Variants in CHERP observed in about 807,000 individuals in gnomAD.
The protein encoded by CHERP is ERPROT 213-21.
In CHERP, 8 loss-of-function variants were observed where a neutral mutation model predicts 113.8. The observed-to-expected ratio is 0.07, with a 90% confidence interval of 0.04 to 0.13. The LOEUF (loss-of-function observed/expected upper bound fraction) is 0.13, where lower values mean the gene tolerates loss of function less well. Among genes scored for constraint, CHERP ranks in the 10% least tolerant of loss-of-function variants. CHERP has a pLI of 1.00. For missense variants in CHERP, 884 were observed against 1,298.2 expected (o/e 0.68, Z 4.90); for synonymous variants, 559 against 524.5 (o/e 1.07, Z -0.90).
chr19:16,537,318 C>G (rs1167800910), intron 2 of CHERP, among the ~76,000 whole-genome samples: 1 of 152,038 alleles, frequency 6.6e-6, no homozygotes, highest in Non-Finnish European at 1.5e-5. Flanking sequence ...TCCCGTTGGA[C>G]CCTCACATGC....
chr19:16,537,746 A>G (rs2085751228), intron 2 of CHERP, among the ~76,000 whole-genome samples: 1 of 152,032 alleles, frequency 6.6e-6, no homozygotes, highest in Non-Finnish European at 1.5e-5. Flanking sequence ...TTCCTGCATC[A>G]GGTCCCATCC....
chr19:16,528,307 T>C, intron 8 of CHERP, 52 bp from the exon 9 acceptor site: 4 of 1,501,818 alleles, frequency 2.7e-6, no homozygotes, highest in Non-Finnish European at 3.6e-6. Context: ...GGAGGCGCTG[T>C]CTCCTCTCCA....
rs200777660 is a variant in CHERP, at chr19:16,542,373, C to A, written c.6G>T (p.Glu2Asp). 397 of 1,374,740 alleles carry A rather than the reference C, an allele frequency of 2.9e-4. No homozygotes were observed. The highest frequency in any genetic ancestry group is 6.1e-5 in the Non-Finnish European group (64 of 1,056,638). 85.2% of individuals were successfully genotyped at this position (1,374,740 alleles called of 1,614,324 possible). Residue 2 changes from glutamate to aspartate, a missense_variant, in exon 1 of 17, where the codon GAG becomes GAT. By Grantham distance (45) the Glu-to-Asp change is conservative. Transcript: ENST00000546361. ...TCTCACCATCGGGGGGCAGCGGCATCTCCATGGCTCCGGCCGCGGGGAACG... is the reference window on the plus strand; with the variant it reads ...TCTCACCATCGGGGGGCAGCGGCATATCCATGGCTCCGGCCGCGGGGAACG... Reference protein sequence around the residue: MEMPLPPDDQEL... With the variant: MDMPLPPDDQEL...
In CHERP at chr19:16,535,105, C is replaced by G. The variant is rs1263813034; in HGVS notation, c.384+347G>C. Among the ~76,000 whole-genome samples the G allele has an allele frequency of 6.6e-6, 1 of 152,126 alleles. No homozygotes were observed. The highest frequency in any genetic ancestry group is 1.5e-5 in the Non-Finnish European group (1 of 68,010). On this transcript the variant is annotated intron_variant, in intron 3 of 16. Transcript: ENST00000546361. The surrounding 1 kb of genome is among the most constrained non-coding windows in gnomAD (Gnocchi z 4.3). The stretch of plus-strand genomic sequence containing the variant: ...AAGGGTCCTTCCCCAACCAACAGCT[C>G]CAGGTGACCTAGCTACTGTGTGGTG...
Position 16,525,440 on chromosome 19 carries a change from G to C in CHERP, c.1543C>G (p.Arg515Gly). 1 of 1,540,156 alleles carries C rather than the reference G, an allele frequency of 6.5e-7. No individual in the cohort carries two copies. The highest frequency in any genetic ancestry group is 8.8e-7 in the Non-Finnish European group (1 of 1,142,518). ...WGGGQREPPF[R>G]MQRPPHFRGP... ...CGGAAGTGTGGGGGCCGCTGCATGCGGAAGGGTGGCTCGCGCTGGCCCCCG... is the reference window on the plus strand; with the variant it reads ...CGGAAGTGTGGGGGCCGCTGCATGCCGAAGGGTGGCTCGCGCTGGCCCCCG... The change falls in exon 10 of 17, where the codon CGC (arginine) becomes GGC (glycine). Residue 515 changes from arginine to glycine, a missense_variant. This residue lies in a region of CHERP where 464 missense variants were observed against 590.1 expected (regional missense o/e 0.79). Transcript: ENST00000546361. This position sits in a 1 kb window ranked among gnomAD's most constrained non-coding sequence, Gnocchi z 6.5.
chr19:16,525,244 G>A lies in CHERP; in HGVS notation c.1739C>T (p.Ala580Val). The change falls in exon 10 of 17, where the codon GCC becomes GTC. Residue 580 changes from alanine (A) to valine (V), a missense_variant and splice_region_variant. Coordinates refer to ENST00000546361, the MANE Select transcript of CHERP (RefSeq NM_006387.6). The surrounding 1 kb of genome is among the most constrained non-coding windows in gnomAD (Gnocchi z 6.5). ...TACCCAGGCGCCCGTACACTCACCGGCAGGGAAGTCCCCCTGGGGGTAGTC... is the reference window on the plus strand; with the variant it reads ...TACCCAGGCGCCCGTACACTCACCGACAGGGAAGTCCCCCTGGGGGTAGTC... The part of the protein sequence containing the change: ...RFDYPQGDFP[A>V]EMGPPHHHPG... 1 of 1,428,004 alleles carries A rather than the reference G, an allele frequency of 7.0e-7. No individual in the cohort carries two copies. The highest frequency in any genetic ancestry group is 9.2e-7 in the Non-Finnish European group (1 of 1,089,140). The allele number at this position is 1,428,004 out of a possible 1,614,324, so 88.5% of individuals were successfully genotyped here. A position where few individuals can be genotyped will look rare whatever the true frequency, so the allele number is the denominator to read the frequency against.
Position 16,520,421 on chromosome 19 carries a change from G to A in CHERP, c.2288C>T (p.Ser763Leu), listed in dbSNP as rs918432112. 6.2e-6 allele frequency: 10 copies of A among 1,614,002 alleles called. No homozygotes were observed. Among genetic ancestry groups the A allele is most frequent in the South Asian group, 2.2e-5 (2 of 91,090 alleles). Residue 763 changes from serine (S) to leucine (L), a missense_variant, in exon 14 of 17, where the codon TCG becomes TTG. Transcript: ENST00000546361. The surrounding 1 kb of genome is among the most constrained non-coding windows in gnomAD (Gnocchi z 4.0). ...SNSRSSKSSG[S>L]YSRSRSRSCS... Reference sequence around the variant, plus strand: ...GGAGCGCGACCTTGACCTTGAGTACGAGCCTGAAGACTTGGAGGATCTTGA... The same window carrying A: ...GGAGCGCGACCTTGACCTTGAGTACAAGCCTGAAGACTTGGAGGATCTTGA...
Position 16,532,489 on chromosome 19 carries a change from G to T in CHERP, c.674+109C>A. The T allele has an allele frequency of 7.4e-7, 1 of 1,349,566 alleles. No homozygotes were observed. Among genetic ancestry groups the T allele is most frequent in the Non-Finnish European group, 9.8e-7 (1 of 1,018,570 alleles). The allele number at this position is 1,349,566 out of a possible 1,614,324, so 83.6% of individuals were successfully genotyped here. On this transcript the variant is annotated intron_variant, in intron 5 of 16. Transcript: ENST00000546361. This position sits in a 1 kb window ranked among gnomAD's most constrained non-coding sequence, Gnocchi z 4.4. ...GGGGTCCCCGGACAAGTGCCCCCTA[G>T]TCTCGGGACAGGCCAAGCCAAGCTA...
intron 9 of CHERP, among the ~76,000 whole-genome samples, chr19:16,527,100 T>C (rs915824583): frequency 6.6e-6 from 1 of 152,238 alleles, no homozygotes; most frequent in Non-Finnish European, 1.5e-5. Context: ...CAGGATGCAC[T>C]GCTGGCCTAG....
chr19:16,519,860 T>C lies in CHERP; in HGVS notation c.2463-145A>G, dbSNP rs2085591947. The C allele has an allele frequency of 1.3e-6, 1 of 767,392 alleles. No individual in the cohort carries two copies. The highest frequency in any genetic ancestry group is 1.7e-5 in the African/African-American group (1 of 58,800). 47.5% of individuals were successfully genotyped at this position (767,392 alleles called of 1,614,324 possible). A position where few individuals can be genotyped will look rare whatever the true frequency, so the allele number is the denominator to read the frequency against. ...ATGCAGATTTTGCGTCTCTACCCGTTTATCCTGTCTCAGCTAGATAAGGGG... is the reference window on the plus strand; with the variant it reads ...ATGCAGATTTTGCGTCTCTACCCGTCTATCCTGTCTCAGCTAGATAAGGGG... On this transcript the variant is annotated intron_variant, in intron 15 of 16. Coordinates refer to ENST00000546361, the MANE Select transcript of CHERP (RefSeq NM_006387.6). This position sits in a 1 kb window ranked among gnomAD's most constrained non-coding sequence, Gnocchi z 6.0.
rs1240979515 is a variant in CHERP at position 16,530,575 on chromosome 19, G to A, written c.876+10C>T. The stretch of plus-strand genomic sequence containing the variant: ...TCTAGGGTGAGGTGTGGGTGGGCAG[G>A]GACACTCACCTGGTACTGACCAAGC... On this transcript the variant is annotated intron_variant, in intron 7 of 16. Transcript: ENST00000546361. This position sits in a 1 kb window ranked among gnomAD's most constrained non-coding sequence, Gnocchi z 4.1. 1.2e-6 allele frequency: 2 copies of A among 1,613,098 alleles called. No individual in the cohort carries two copies. Among genetic ancestry groups the A allele is most frequent in the Non-Finnish European group, 1.7e-6 (2 of 1,179,184 alleles).
At chr19:16,533,773 A>AAACAAC (rs36119133) in intron 3 of CHERP, among the ~76,000 whole-genome samples, 14 of 151,018 alleles carry the variant, frequency 9.3e-5, no homozygotes, top group African/African-American at 2.2e-4. Context: ...AACAACAACA[A>AAACAAC]AACAACAACA....
At chr19:16,541,579 C>T (rs1191611279) in intron 2 of CHERP, 5 of 342,664 alleles carry the variant, frequency 1.5e-5, no homozygotes, top group Non-Finnish European at 2.7e-5. Flanking sequence ...AACACTAAAA[C>T]AATCACGCTA....
chr19:16,525,549 C>G lies in CHERP; in HGVS notation c.1434G>C (p.Ala478=), dbSNP rs1443318171. The G allele has an allele frequency of 3.9e-6, 6 of 1,543,024 alleles. No individual in the cohort carries two copies. In the Admixed American group the frequency reaches 5.9e-5, roughly 15 times the overall value. ...GDPGWNGQRD[A]PWNNQPDAAW... is the part of the protein sequence containing the mutation. Reference sequence around the variant, plus strand: ...CGGCGTCGGGCTGGTTGTTCCAGGGCGCGTCGCGCTGGCCGTTCCAGCCGG... The same window carrying G: ...CGGCGTCGGGCTGGTTGTTCCAGGGGGCGTCGCGCTGGCCGTTCCAGCCGG... Residue 478 remains alanine (A), a synonymous_variant, in exon 10 of 17, where the codon GCG becomes GCC. Coordinates refer to ENST00000546361, the MANE Select transcript of CHERP (RefSeq NM_006387.6). The surrounding 1 kb of genome is among the most constrained non-coding windows in gnomAD (Gnocchi z 6.5).
At chr19:16,527,963 G>T in intron 9 of CHERP, 117 bp downstream of exon 9, 1 of 1,043,772 alleles carries the variant, frequency 9.6e-7, no homozygotes, top group Non-Finnish European at 1.4e-6. Flanking sequence ...CTCTGCCACA[G>T]AATATCCCTC....
In CHERP at chr19:16,530,493, TG is replaced by T; in HGVS notation, c.876+91del. The T allele has an allele frequency of 1.7e-6, 2 of 1,166,548 alleles. No individual in the cohort carries two copies. The highest frequency in any genetic ancestry group is 2.6e-6 in the Non-Finnish European group (2 of 781,036). 72.3% of individuals were successfully genotyped at this position (1,166,548 alleles called of 1,614,324 possible). A position where few individuals can be genotyped will look rare whatever the true frequency, so the allele number is the denominator to read the frequency against. ...CAGGGGACATGGGCTCTCTGGCTGCTGGGGTGGCAGCTGCTGTCCCCACACT... is the reference window on the plus strand; with the variant it reads ...CAGGGGACATGGGCTCTCTGGCTGCTGGGTGGCAGCTGCTGTCCCCACACT... On this transcript the variant is annotated intron_variant, in intron 7 of 16. Coordinates refer to ENST00000546361, the MANE Select transcript of CHERP (RefSeq NM_006387.6). This position sits in a 1 kb window ranked among gnomAD's most constrained non-coding sequence, Gnocchi z 4.1.
chr19:16,533,637 G>C (rs932684596), intron 3 of CHERP, among the ~76,000 whole-genome samples: 1 of 152,082 alleles, frequency 6.6e-6, no homozygotes, highest in Admixed American at 6.6e-5. Context: ...GTGTGTGCCT[G>C]TGTTCCCAAC....
At chr19:16,537,183 T>G in intron 2 of CHERP, among the ~76,000 whole-genome samples, 1 of 145,332 alleles carries the variant, frequency 6.9e-6, no homozygotes, top group Non-Finnish European at 1.5e-5. Context: ...ACCCCCCTCC[T>G]TCCCCCAGGC....
intron 11 of CHERP, 140 bp downstream of exon 11, chr19:16,522,912 G>T: frequency 1.0e-6 from 1 of 991,620 alleles, no homozygotes; most frequent in Non-Finnish European, 1.4e-6. Context: ...ACCTCCCACT[G>T]ACGGATCAGG....
Sources: allele counts gnomAD v4.1 joint callset (sites outside exome capture counted in the v4.1 genomes callset), GRCh38; gene constraint gnomAD v4.1.1; regional missense constraint gnomAD v4.1.1; non-coding constraint Gnocchi (gnomAD v3.1); transcripts MANE v1.5; gene names NCBI Gene and HGNC (gene_info 2026-07-23, HGNC 2026-07-21).